KLF9: variants seen among roughly 807,000 people sequenced by gnomAD.
The protein encoded by KLF9 is Krueppel-like factor 9.
Under a neutral mutation model 17.3 loss-of-function variants are expected in KLF9, and 2 were observed. The ratio of observed to expected loss-of-function variants is 0.12; its 90% confidence interval spans 0.05 to 0.36. KLF9 has a LOEUF of 0.36. Among genes scored for constraint, KLF9 ranks in the 10% least tolerant of loss-of-function variants. The pLI is 1.00. For missense variants in KLF9, 226 were observed against 333.2 expected, an observed-to-expected ratio of 0.68 and a Z score of 2.51; for synonymous variants, 138 against 139.2, an observed-to-expected ratio of 0.99 and a Z score of 0.06.
chr9:70,408,399 A>G (rs939524781), intron 1 of KLF9, among the ~76,000 whole-genome samples: 3 of 152,180 alleles, frequency 2.0e-5, no homozygotes, highest in African/African-American at 7.2e-5. Flanking sequence ...TGGGTTATGA[A>G]ATGCCATTCC....
intron 1 of KLF9, among the ~76,000 whole-genome samples, chr9:70,405,933 G>T (rs550491516): frequency 7.9e-5 from 12 of 152,274 alleles, no homozygotes; most frequent in Non-Finnish European, 8.8e-5. Flanking sequence ...GGTAGGGAGT[G>T]GTAGGAAACC....
chr9:70,394,572 C>T (rs1168741079), intron 1 of KLF9, among the ~76,000 whole-genome samples: 2 of 151,998 alleles, frequency 1.3e-5, no homozygotes, highest in African/African-American at 4.8e-5. Context: ...CCAGGAAATA[C>T]TAATGAGTGC....
rs1382537422 is a variant in KLF9, at chr9:70,413,040, G to A, written c.324C>T (p.Ser108=). 34 of 1,614,086 alleles carry A rather than the reference G, an allele frequency of 2.1e-5. No individual in the cohort carries two copies. Among genetic ancestry groups the A allele is most frequent in the Non-Finnish European group, 2.9e-5 (34 of 1,179,972 alleles). Residue 108 remains serine (S), a synonymous_variant, in exon 1 of 2, where the codon TCC becomes TCT. Coordinates refer to ENST00000377126, the MANE Select transcript of KLF9 (RefSeq NM_001206.4). The surrounding 1 kb of genome is among the most constrained non-coding windows in gnomAD (Gnocchi z 5.6). ...DVTTESGSSP[S]HSPEERQDPG... ...GATCCTGTCTCTCCTCCGGGCTGTG[G>A]GAAGGACTCGACCCAGATTCGGTGG...
chr9:70,390,651 A>G (rs763245580), intron 1 of KLF9, among the ~76,000 whole-genome samples: 3 of 151,790 alleles, frequency 2.0e-5, no homozygotes, highest in Non-Finnish European at 2.9e-5. Flanking sequence ...ACACACACAT[A>G]CACACACTCT....
chr9:70,387,916 C>T lies in KLF9; in HGVS notation c.595G>A (p.Gly199Arg). ...ELTRHYRTHT[G>R]EKQFRCPLCE... is the part of the protein sequence containing the mutation. ...AGCGGACAGCGGAACTGCTTTTCCC[C>T]AGTGTGGGTCCGGTAGTGGCGGGTC... The change falls in exon 2 of 2, where the codon GGG becomes AGG. Residue 199 changes from glycine (G) to arginine (R), a missense_variant. By Grantham distance (125) the Gly-to-Arg change is moderately radical. Coordinates refer to ENST00000377126, the MANE Select transcript of KLF9 (RefSeq NM_001206.4). The T allele has an allele frequency of 2.5e-6, 4 of 1,614,146 alleles. No homozygotes were observed. The highest frequency in any genetic ancestry group is 3.4e-6 in the Non-Finnish European group (4 of 1,180,034).
chr9:70,412,983 G>C lies in KLF9; in HGVS notation c.381C>G (p.Leu127=). 6.2e-7 allele frequency: 1 copy of C among 1,614,174 alleles called. No homozygotes were observed. Among genetic ancestry groups the C allele is most frequent in the Non-Finnish European group, 8.5e-7 (1 of 1,180,028 alleles). ...TCCCCTTCGCAGCCACTCCAGGATG[G>C]AGGAGGGAGAGCGGGCTGGGCGCGC... The part of the protein sequence containing the change: ...PGSAPSPLSL[L]HPGVAAKGKH... Residue 127 remains leucine (L), a synonymous_variant, in exon 1 of 2, where the codon CTC becomes CTG. Transcript: ENST00000377126.
intron 1 of KLF9, among the ~76,000 whole-genome samples, chr9:70,405,324 C>T (rs1359908237): frequency 6.6e-6 from 1 of 152,236 alleles, no homozygotes; most frequent in African/African-American, 2.4e-5. Context: ...ACACCACTGA[C>T]TGCATTTCAA....
intron 1 of KLF9, among the ~76,000 whole-genome samples, chr9:70,394,207 C>T (rs2037168437): frequency 1.3e-5 from 2 of 151,794 alleles, no homozygotes; most frequent in African/African-American, 4.8e-5. Context: ...AACACAGTAA[C>T]ACCCCAACTC....
At chr9:70,391,254 G>A in intron 1 of KLF9, among the ~76,000 whole-genome samples, 1 of 152,170 alleles carries the variant, frequency 6.6e-6, no homozygotes, top group East Asian at 1.9e-4. Context: ...ATGGAAAACT[G>A]GCATGAAGCC....
Position 70,413,102 on chromosome 9 carries a change from T to C in KLF9, c.262A>G (p.Ser88Gly). Residue 88 changes from serine to glycine, a missense_variant, in exon 1 of 2, where the codon AGT (serine) becomes GGT (glycine). Coordinates refer to ENST00000377126, the MANE Select transcript of KLF9 (RefSeq NM_001206.4). This position sits in a 1 kb window ranked among gnomAD's most constrained non-coding sequence, Gnocchi z 5.6. ...TCGGATCCCATATCCTCATCTGGAC[T>C]TTCCAGACTGTCGCTGCACACGGAG... ...TPSVCSDSLE[S>G]PDEDMGSDSD... 6.2e-7 allele frequency: 1 copy of C among 1,614,220 alleles called. No individual in the cohort carries two copies. The highest frequency in any genetic ancestry group is 8.5e-7 in the Non-Finnish European group (1 of 1,180,036).
chr9:70,394,495 A>G (rs543470328), intron 1 of KLF9, among the ~76,000 whole-genome samples: 1 of 152,360 alleles, frequency 6.6e-6, no homozygotes, highest in Non-Finnish European at 1.5e-5. Flanking sequence ...TAAAGGTAGT[A>G]TAACTACTAA....
intron 1 of KLF9, among the ~76,000 whole-genome samples, chr9:70,403,895 A>T (rs1374845416): frequency 2.0e-5 from 3 of 152,190 alleles, no homozygotes; most frequent in African/African-American, 7.2e-5. Context: ...TCAGAACAAC[A>T]AGAGTAGACA....
At position 70,409,155 on chromosome 9, in the gene KLF9, T is replaced by C. The variant is rs1454148166; in HGVS notation, c.505+3704A>G. Among the ~76,000 whole-genome samples the C allele has an allele frequency of 4.9e-5, 3 of 61,094 alleles. 1 individual carries two copies. Among genetic ancestry groups the C allele is most frequent in the African/African-American group, 7.5e-5 (2 of 26,756 alleles). 40.1% of individuals were successfully genotyped at this position (61,094 alleles called of 152,430 possible). Reference sequence around the variant, plus strand: ...GTATACATATATATGTATATGTATATATATACACATATATGTATATATATG... The same window carrying C: ...GTATACATATATATGTATATGTATACATATACACATATATGTATATATATG... On this transcript the variant is annotated intron_variant, in intron 1 of 1. Transcript: ENST00000377126.
chr9:70,392,703 C>G (rs1182778354), intron 1 of KLF9, among the ~76,000 whole-genome samples: 1 of 152,122 alleles, frequency 6.6e-6, no homozygotes, highest in East Asian at 1.9e-4. Flanking sequence ...GACGGTCACT[C>G]CACCTTCGTC....
In KLF9 at chr9:70,387,135, T is replaced by C. The variant is rs1449678212; in HGVS notation, c.*641A>G. On this transcript the variant is annotated 3_prime_UTR_variant, in exon 2 of 2. Coordinates refer to ENST00000377126, the MANE Select transcript of KLF9 (RefSeq NM_001206.4). ...GTAACTGTTTTTTGTTTTCAAGTCT[T>C]TAGATGACAGATCATGCTGGAGTAG... is the stretch of plus-strand genomic sequence containing the variant. 6.5e-6 allele frequency: 1 copy of C among 153,136 alleles called. No individual in the cohort carries two copies. Among genetic ancestry groups the C allele is most frequent in the African/African-American group, 2.4e-5 (1 of 41,446 alleles). The allele number at this position is 153,136 out of a possible 1,614,324, so 9.5% of individuals were successfully genotyped here.
rs1361096151 is a variant in KLF9, at chr9:70,387,006, C to A, written c.*770G>T. The A allele has an allele frequency of 6.6e-6, 1 of 152,600 alleles. No homozygotes were observed. The highest frequency in any genetic ancestry group is 2.4e-5 in the African/African-American group (1 of 41,442). The allele number at this position is 152,600 out of a possible 1,614,324, so 9.5% of individuals were successfully genotyped here. ...AAGTGCAGCTTATGTTCAAAAAGTA[C>A]AACTCATACAAAGCAAGGTTTAAAA... On this transcript the variant is annotated 3_prime_UTR_variant, in exon 2 of 2. Coordinates refer to ENST00000377126, the MANE Select transcript of KLF9 (RefSeq NM_001206.4).
intron 1 of KLF9, among the ~76,000 whole-genome samples, chr9:70,401,168 C>CA (rs199648240): frequency 5.1e-3 from 586 of 115,812 alleles, no homozygotes; most frequent in African/African-American, 0.012. Flanking sequence ...ATCCCATCTC[C>CA]AAAAAAAAAA....
intron 1 of KLF9, among the ~76,000 whole-genome samples, chr9:70,405,766 T>A (rs1237720502): frequency 1.3e-5 from 2 of 152,044 alleles, no homozygotes; most frequent in Non-Finnish European, 2.9e-5. Flanking sequence ...AAAAAAAAAA[T>A]GGGTGCTTCT....
chr9:70,393,137 C>A (rs1169269546), intron 1 of KLF9, among the ~76,000 whole-genome samples: 6 of 152,294 alleles, frequency 3.9e-5, no homozygotes, highest in Non-Finnish European at 5.9e-5. Flanking sequence ...CTGAACACTG[C>A]GCACAATGTG....
Sources: gnomAD v4.1 joint callset for allele counts (sites outside exome capture counted in the v4.1 genomes callset) on GRCh38, gnomAD v4.1.1 for gene constraint, Gnocchi (gnomAD v3.1) non-coding constraint, MANE v1.5 for transcripts, NCBI Gene and HGNC (gene_info 2026-07-23, HGNC 2026-07-21) for gene names.